HJURP: variants seen among roughly 807,000 people sequenced by gnomAD.
HJURP encodes the protein Holliday junction recognition protein, also known as 14-3-3-associated AKT substrate.
Under a neutral mutation model 72.0 loss-of-function variants are expected in HJURP, and 49 were observed. The ratio of observed to expected loss-of-function variants is 0.68; its 90% CI spans 0.54 to 0.86. The LOEUF (loss-of-function observed/expected upper bound fraction) is 0.86, where lower values mean the gene tolerates loss of function less well. Among genes scored for constraint, HJURP ranks in the 40% least tolerant of loss-of-function variants. The pLI is 0.00. For synonymous variants in HJURP, 357 were observed against 347.1 expected, an observed-to-expected ratio of 1.03 and a Z score of -0.32; for missense variants, 908 against 936.3, an observed-to-expected ratio of 0.97 and a Z score of 0.39.
chr2:233,838,297 G>A (rs1705129727), intron 8 of HJURP, among the ~76,000 whole-genome samples: 3 of 152,152 alleles, frequency 2.0e-5, no homozygotes, highest in Non-Finnish European at 4.4e-5. Flanking sequence ...GCCCTGCGGG[G>A]CCACCAAGGG....
Position 233,845,797 on chromosome 2 carries a change from C to G in HJURP, c.426G>C (p.Leu142Phe). ...ALAPAVPQSP[L>F]KNELRRKYLT... ...AGTATTTCCTTCTTAATTCATTTTTCAAAGGGCTTTGAGGCACTGCAGGCT... is the reference window on the plus strand; with the variant it reads ...AGTATTTCCTTCTTAATTCATTTTTGAAAGGGCTTTGAGGCACTGCAGGCT... The change falls in exon 6 of 9, where the codon TTG (leucine) becomes TTC (phenylalanine). Residue 142 changes from leucine (L) to phenylalanine (F), a missense_variant. This residue lies in a region of HJURP where 299 missense variants were observed against 286.7 expected (regional missense o/e 1.04). Transcript: ENST00000411486. The G allele has an allele frequency of 1.2e-6, 2 of 1,613,374 alleles. No homozygotes were observed. The highest frequency in any genetic ancestry group is 1.7e-6 in the Non-Finnish European group (2 of 1,179,378).
At position 233,854,007 on chromosome 2, in the gene HJURP, T is replaced by C. The variant is rs372342263; in HGVS notation, c.118-97A>G. On this transcript the variant is annotated intron_variant, in intron 1 of 8. Coordinates refer to ENST00000411486, the MANE Select transcript of HJURP (RefSeq NM_018410.5). ...GCCAGCCCGTGAGAGGCCGTTAGTC[T>C]GGCCTGGGGCGCCCCAAACGCGGTC... The C allele has an allele frequency of 1.9e-3, 2,014 of 1,087,474 alleles. 9 individuals are homozygous for C. Among genetic ancestry groups the C allele is most frequent in the South Asian group, 7.6e-3 (553 of 72,502 alleles). 67.4% of individuals were successfully genotyped at this position (1,087,474 alleles called of 1,614,324 possible).
Position 233,842,141 on chromosome 2 carries a change from T to C in HJURP, c.639A>G (p.Arg213=). 1 of 1,614,012 alleles carries C rather than the reference T, an allele frequency of 6.2e-7. No homozygotes were observed. Among genetic ancestry groups the C allele is most frequent in the Non-Finnish European group, 8.5e-7 (1 of 1,179,850 alleles). Residue 213 remains arginine (R), a synonymous_variant, in exon 8 of 9, where the codon AGA becomes AGG. Transcript: ENST00000411486. ...GDPAKPASSP[R]EWDPLHPSST... is the part of the protein sequence containing the mutation. ...AGGAAGGATGCAAAGGATCCCATTC[T>C]CTGGGAGATGAAGCTGGTTTCGCTG...
Position 233,837,558 on chromosome 2 carries a change from A to G in HJURP, c.*19T>C, listed in dbSNP as rs1325342721. 3 of 1,542,050 alleles carry G rather than the reference A, an allele frequency of 1.9e-6. No individual in the cohort carries two copies. The African/African-American group carries it at 4.1e-5, about 21-fold the overall frequency. On this transcript the variant is annotated 3_prime_UTR_variant, in exon 9 of 9. Transcript: ENST00000411486. ...CAGAGAGCAAGTGGGAAGATAAATA[A>G]CACTCCGAAATAACCTAGCTACACA...
intron 8 of HJURP, among the ~76,000 whole-genome samples, chr2:233,839,520 A>G (rs1347797808): frequency 1.3e-5 from 2 of 152,260 alleles, no homozygotes; most frequent in African/African-American, 4.8e-5. Context: ...AGGGGGCTCA[A>G]GCCACAGGAG....
intron 3 of HJURP, 90 bp from the exon 4 acceptor site, chr2:233,849,949 G>T: frequency 1.3e-6 from 1 of 764,826 alleles, no homozygotes; most frequent in Non-Finnish European, 2.2e-6. Flanking sequence ...CAATCCTTCT[G>T]TTAACACAGG....
chr2:233,848,642 C>T (rs1281179704), intron 4 of HJURP, among the ~76,000 whole-genome samples: 2 of 152,150 alleles, frequency 1.3e-5, no homozygotes, highest in Non-Finnish European at 2.9e-5. Flanking sequence ...TGTACTGAGG[C>T]GCAGAGCAGA....
At chr2:233,844,364 T>A (rs764989888) in intron 6 of HJURP, 81 bp from the exon 7 acceptor site, 99 of 952,938 alleles carry the variant, frequency 1.0e-4, no homozygotes, top group Non-Finnish European at 1.5e-4. Flanking sequence ...CCCCTGACGA[T>A]GCGGACTGTG....
chr2:233,848,162 A>C (rs1371580352), intron 4 of HJURP, among the ~76,000 whole-genome samples: 1 of 152,074 alleles, frequency 6.6e-6, no homozygotes, highest in East Asian at 1.9e-4. Context: ...GTGCCAGGAA[A>C]GGGACTGGGC....
At position 233,840,969 on chromosome 2, in the gene HJURP, C is replaced by T. The variant is rs561970314; in HGVS notation, c.1811G>A (p.Cys604Tyr). The change falls in exon 8 of 9, where the codon TGT becomes TAT. Residue 604 changes from cysteine (C) to tyrosine (Y), a missense_variant. This residue lies in a region of HJURP where 598 missense variants were observed against 619.5 expected (regional missense o/e 0.97). Transcript: ENST00000411486. ...TGCTTTATCTGTAGACACTCCAATACATAAAGGCACTGTCATCTGCCCAGG... is the reference window on the plus strand; with the variant it reads ...TGCTTTATCTGTAGACACTCCAATATATAAAGGCACTGTCATCTGCCCAGG... The part of the protein sequence containing the change: ...KSPGQMTVPL[C>Y]IGVSTDKASM... 73 of 1,614,036 alleles carry T rather than the reference C, an allele frequency of 4.5e-5. 1 individual carries two copies. In the South Asian group the frequency reaches 7.7e-4, roughly 17 times the overall value.
chr2:233,842,797 C>T (rs1018696046), intron 7 of HJURP, among the ~76,000 whole-genome samples: 19 of 152,178 alleles, frequency 1.2e-4, no homozygotes, highest in Admixed American at 5.9e-4. Flanking sequence ...AGAGTGGTAG[C>T]AGGTGCTGCA....
In HJURP at chr2:233,854,516, C is replaced by G. The variant is rs202244524; in HGVS notation, c.-16G>C. On this transcript the variant is annotated 5_prime_UTR_variant, in exon 1 of 9. Coordinates refer to ENST00000411486, the MANE Select transcript of HJURP (RefSeq NM_018410.5). ...TACCCAGCATCGGACCCAGCCAGTA[C>G]CCAAGCGCCAACCCGGACTGCAGGG... 6.3e-7 allele frequency: 1 copy of G among 1,589,034 alleles called. No homozygotes were observed. Among genetic ancestry groups the G allele is most frequent in the East Asian group, 2.3e-5 (1 of 44,062 alleles).
At chr2:233,839,691 C>A (rs547372145) in intron 8 of HJURP, among the ~76,000 whole-genome samples, 31 of 152,250 alleles carry the variant, frequency 2.0e-4, no homozygotes, top group African/African-American at 7.0e-4. Flanking sequence ...CCAGGCGGGT[C>A]CAGGTGGGAG....
At chr2:233,850,048 C>T (rs972505375) in intron 3 of HJURP, among the ~76,000 whole-genome samples, 189 bp from the exon 4 acceptor site, 2 of 152,214 alleles carry the variant, frequency 1.3e-5, no homozygotes, top group African/African-American at 2.4e-5. Context: ...AGCTGAGGCT[C>T]CCCTGGGTTG....
chr2:233,843,879 T>C (rs1705291431), intron 7 of HJURP, among the ~76,000 whole-genome samples: 1 of 152,194 alleles, frequency 6.6e-6, no homozygotes, highest in African/African-American at 2.4e-5. Flanking sequence ...TGCACGTGTG[T>C]GGCAGGGGGT....
chr2:233,842,504 C>T (rs1273288553), intron 7 of HJURP, among the ~76,000 whole-genome samples: 3 of 151,986 alleles, frequency 2.0e-5, no homozygotes. Context: ...CACTGTTTAC[C>T]TACATGGATG....
chr2:233,854,465 G>A lies in HJURP; in HGVS notation c.36C>T (p.Asp12=). 2.5e-6 allele frequency: 4 copies of A among 1,612,566 alleles called. No homozygotes were observed. Among genetic ancestry groups the A allele is most frequent in the Non-Finnish European group, 2.5e-6 (3 of 1,179,446 alleles). ...LGTLRAMEGE[D]VEDDQLLQKL... ...TCTGCAGCAGCTGGTCGTCTTCCAC[G>A]TCCTCGCCCTCCATGGCGCGCAGCG... is the stretch of plus-strand genomic sequence containing the variant. The change falls in exon 1 of 9, where the codon GAC becomes GAT. Residue 12 remains aspartate, a synonymous_variant. Coordinates refer to ENST00000411486, the MANE Select transcript of HJURP (RefSeq NM_018410.5).
chr2:233,841,216 A>G lies in HJURP; in HGVS notation c.1564T>C (p.Ser522Pro), dbSNP rs1705219113. Residue 522 changes from serine to proline, a missense_variant, in exon 8 of 9, where the codon TCA (serine) becomes CCA (proline). Ser to Pro is a moderately conservative substitution (Grantham distance 74). This residue lies in a region of HJURP where 598 missense variants were observed against 619.5 expected (regional missense o/e 0.97). Coordinates refer to ENST00000411486, the MANE Select transcript of HJURP (RefSeq NM_018410.5). ...GTGGGGTTGGTCTTTGGAAGTGATGAAGATGAATCGCTCTTGGGCAGGCAC... is the reference window on the plus strand; with the variant it reads ...GTGGGGTTGGTCTTTGGAAGTGATGGAGATGAATCGCTCTTGGGCAGGCAC... ...GRCLPKSDSS[S>P]SLPKTNPTHS... is the part of the protein sequence containing the mutation. 4 of 1,614,048 alleles carry G rather than the reference A, an allele frequency of 2.5e-6. No individual in the cohort carries two copies. Among genetic ancestry groups the G allele is most frequent in the African/African-American group, 1.3e-5 (1 of 74,904 alleles).
rs371240721 is a variant in HJURP at position 233,841,381 on chromosome 2, A to G, written c.1399T>C (p.Tyr467His). The change falls in exon 8 of 9, where the codon TAC becomes CAC. Residue 467 changes from tyrosine to histidine, a missense_variant. By Grantham distance (83) the Tyr-to-His change is moderately conservative (BLOSUM62 2). Coordinates refer to ENST00000411486, the MANE Select transcript of HJURP (RefSeq NM_018410.5). ...CLPDSWAMNM[Y>H]RGGPASPGGL... The stretch of plus-strand genomic sequence containing the variant: ...CCAGGACTCGCAGGACCCCCTCTGT[A>G]CATGTTCATGGCCCAGGAGTCCGGG... 6.4e-5 allele frequency: 104 copies of G among 1,613,958 alleles called. 1 individual carries two copies. Among genetic ancestry groups the G allele is most frequent in the South Asian group, 2.9e-4 (26 of 91,082 alleles).
Sources: allele counts gnomAD v4.1 joint callset (sites outside exome capture counted in the v4.1 genomes callset), GRCh38; gene constraint gnomAD v4.1.1; regional missense constraint gnomAD v4.1.1; transcripts MANE v1.5; gene names NCBI Gene and HGNC (gene_info 2026-07-23, HGNC 2026-07-21).